ZNF507: variants seen among roughly 807,000 people sequenced by gnomAD.
The protein encoded by ZNF507 is zinc finger protein 507.
ZNF507 carries 29 observed loss-of-function variants against 80.0 expected under a neutral mutation model. That is an observed-to-expected ratio of 0.36 (90% confidence interval 0.27 to 0.49). The LOEUF is 0.49. ZNF507 is among the 20% of genes least tolerant of loss of function. The pLI is 0.98. For synonymous variants in ZNF507, 462 were observed against 422.5 expected (o/e 1.09, Z -1.15); for missense variants, 1,081 against 1,152.2 (o/e 0.94, Z 0.90).
intron 5 of ZNF507, among the ~76,000 whole-genome samples, chr19:32,374,129 T>C (rs1235263908): frequency 6.6e-6 from 1 of 151,430 alleles, no homozygotes; most frequent in South Asian, 2.1e-4. Context: ...TAAGCCATAG[T>C]AACTGAAATT....
intron 5 of ZNF507, among the ~76,000 whole-genome samples, chr19:32,378,907 G>A (rs1441308332): frequency 6.6e-6 from 1 of 152,204 alleles, no homozygotes; most frequent in East Asian, 1.9e-4. Context: ...TGAACAGCCA[G>A]CATTTCGTGT....
intron 5 of ZNF507, among the ~76,000 whole-genome samples, chr19:32,374,471 TTTC>T (rs1450459576): frequency 7.1e-6 from 1 of 141,156 alleles, no homozygotes; most frequent in African/African-American, 2.8e-5. Flanking sequence ...ATAGCTTTTC[TTTC>T]TTTTTTTTTT....
At chr19:32,348,633 G>C (rs533359928) in intron 2 of ZNF507, among the ~76,000 whole-genome samples, 1 of 152,350 alleles carries the variant, frequency 6.6e-6, no homozygotes, top group South Asian at 2.1e-4. Flanking sequence ...GAGAGAGTTG[G>C]TGGAAAGGGT....
chr19:32,378,657 AAAAG>A (rs780856183), intron 5 of ZNF507, among the ~76,000 whole-genome samples: 25 of 151,952 alleles, frequency 1.6e-4, no homozygotes, highest in Non-Finnish European at 2.4e-4. Flanking sequence ...TTTTAAAAAA[AAAAG>A]GGAAAACAGT....
At chr19:32,351,045 C>CT (rs1461310716) in intron 2 of ZNF507, among the ~76,000 whole-genome samples, 18 of 152,198 alleles carry the variant, frequency 1.2e-4, no homozygotes, top group African/African-American at 4.3e-4. Flanking sequence ...TCTAAAAAGA[C>CT]TTTTGTTCCT....
chr19:32,364,215 A>T (rs1447170035), intron 5 of ZNF507, among the ~76,000 whole-genome samples: 1 of 152,250 alleles, frequency 6.6e-6, no homozygotes, highest in African/African-American at 2.4e-5. Flanking sequence ...ACAGGGAAAG[A>T]TTAAAATGAC....
At chr19:32,367,109 G>C (rs1312441852) in intron 5 of ZNF507, among the ~76,000 whole-genome samples, 1 of 152,172 alleles carries the variant, frequency 6.6e-6, no homozygotes, top group East Asian at 1.9e-4. Flanking sequence ...GGTCTCAGGA[G>C]GCTTCCAGTC....
chr19:32,383,131 CCA>C lies in ZNF507; in HGVS notation c.*51_*52del. ...AAAGCAGTAGAAGAGGATTCCTTCA[CCA>C]CAGTTTCACCTTTACGCTGTCAGAC... On this transcript the variant is annotated 3_prime_UTR_variant, in exon 7 of 7. Coordinates refer to ENST00000355898, the MANE Select transcript of ZNF507 (RefSeq NM_001136156.2). 1 of 1,571,852 alleles carries C rather than the reference CCA, an allele frequency of 6.4e-7. No homozygotes were observed.
intron 2 of ZNF507, among the ~76,000 whole-genome samples, chr19:32,352,271 C>G (rs1967179534): frequency 6.6e-6 from 1 of 151,988 alleles, no homozygotes; most frequent in Non-Finnish European, 1.5e-5. Context: ...AACTACATGA[C>G]TATAGTTTCA....
rs373170526 is a variant in ZNF507, at chr19:32,353,176, G to A, written c.346G>A (p.Ala116Thr). 1.2e-6 allele frequency: 2 copies of A among 1,614,062 alleles called. No homozygotes were observed. Among genetic ancestry groups the A allele is most frequent in the South Asian group, 1.1e-5 (1 of 91,084 alleles). The change falls in exon 3 of 7, where the codon GCC (alanine) becomes ACC (threonine). Residue 116 changes from alanine to threonine, a missense_variant. Coordinates refer to ENST00000355898, the MANE Select transcript of ZNF507 (RefSeq NM_001136156.2). ...AACAAATTTTACCCCTGACACTCTTGCCCAGAATGAAGGGAAGGCTATGTC... is the reference window on the plus strand; with the variant it reads ...AACAAATTTTACCCCTGACACTCTTACCCAGAATGAAGGGAAGGCTATGTC... Reference protein sequence around the residue: ...SQTNFTPDTLAQNEGKAMSYQ... With the variant: ...SQTNFTPDTLTQNEGKAMSYQ...
chr19:32,380,310 T>G (rs2145344718), intron 5 of ZNF507, among the ~76,000 whole-genome samples: 1 of 152,068 alleles, frequency 6.6e-6, no homozygotes, highest in South Asian at 2.1e-4. Flanking sequence ...GAGCCATGAT[T>G]CCACCACTGC....
intron 5 of ZNF507, among the ~76,000 whole-genome samples, chr19:32,373,331 T>C (rs992350521): frequency 6.6e-6 from 1 of 152,180 alleles, no homozygotes; most frequent in African/African-American, 2.4e-5. Flanking sequence ...GAGGTTAAGT[T>C]TCCACATAGG....
Position 32,351,533 on chromosome 19 carries a change from C to CGGGGGG in ZNF507, c.-2-1293_-2-1292insGGGGGG, listed in dbSNP as rs368340292. The stretch of plus-strand genomic sequence containing the variant: ...TATGTGTGTGTGTGTGGCGTGGGGG[C>CGGGGGG]GGGCGGGGCCTGGCAGGACATTAGG... On this transcript the variant is annotated intron_variant, in intron 2 of 6. Transcript: ENST00000355898. Among the ~76,000 whole-genome samples the CGGGGGG allele has an allele frequency of 1.6e-3, 28 of 16,978 alleles. 7 individuals carry two copies. Among genetic ancestry groups the CGGGGGG allele is most frequent in the African/African-American group, 7.1e-3 (24 of 3,366 alleles). 11.1% of individuals were successfully genotyped at this position (16,978 alleles called of 152,430 possible). A position where few individuals can be genotyped will look rare whatever the true frequency, so the allele number is the denominator to read the frequency against.
chr19:32,374,190 T>A (rs117731522), intron 5 of ZNF507, among the ~76,000 whole-genome samples: 716 of 41,658 alleles, frequency 0.017, 5 homozygotes, highest in African/African-American at 0.024. Flanking sequence ...ACACACACAC[T>A]CTCTCTCTCT....
intron 5 of ZNF507, among the ~76,000 whole-genome samples, chr19:32,370,541 T>C (rs1291493121): frequency 6.6e-6 from 1 of 152,246 alleles, no homozygotes; most frequent in Non-Finnish European, 1.5e-5. Context: ...TTTGGAGAAA[T>C]ATCTGTTCAG....
rs182519220 is a variant in ZNF507 at position 32,352,375 on chromosome 19, G to A, written c.-2-454G>A. Among the ~76,000 whole-genome samples the A allele has an allele frequency of 1.9e-4, 29 of 152,214 alleles. 1 individual carries two copies. Among genetic ancestry groups the A allele is most frequent in the African/African-American group, 6.5e-4 (27 of 41,534 alleles). The stretch of plus-strand genomic sequence containing the variant: ...GGTATAAGAAATACTCTCAAGAATT[G>A]TATCAGTCATTGGCTTTACAGAGTG... On this transcript the variant is annotated intron_variant, in intron 2 of 6. Coordinates refer to ENST00000355898, the MANE Select transcript of ZNF507 (RefSeq NM_001136156.2).
Position 32,380,274 on chromosome 19 carries a change from T to G in ZNF507, c.2361-2193T>G, listed in dbSNP as rs540869520. ...GGGAGTATGAGGTAGGAGGATCACTTGAGTCCAGGAGGCCAAGGCTGCAGT... is the reference window on the plus strand; with the variant it reads ...GGGAGTATGAGGTAGGAGGATCACTGGAGTCCAGGAGGCCAAGGCTGCAGT... On this transcript the variant is annotated intron_variant, in intron 5 of 6. Transcript: ENST00000355898. 3.3e-5 allele frequency among the ~76,000 whole-genome samples: 5 copies of G among 152,202 alleles called. No homozygotes were observed. In the East Asian group the frequency reaches 7.7e-4, roughly 24 times the overall value.
At chr19:32,380,914 G>A (rs1171668064) in intron 5 of ZNF507, among the ~76,000 whole-genome samples, 1 of 152,152 alleles carries the variant, frequency 6.6e-6, no homozygotes, top group Non-Finnish European at 1.5e-5. Context: ...GGGCAACAGA[G>A]TAAGGCCCAG....
At chr19:32,357,309 C>T (rs1414370214) in intron 4 of ZNF507, 2 of 152,224 alleles carry the variant, frequency 1.3e-5, no homozygotes, top group Non-Finnish European at 2.9e-5. Context: ...AATTAGAGCT[C>T]CATGAAAAGG....
Sources: allele counts gnomAD v4.1 joint callset (sites outside exome capture counted in the v4.1 genomes callset), GRCh38; gene constraint gnomAD v4.1.1; transcripts MANE v1.5; gene names NCBI Gene and HGNC (gene_info 2026-07-23, HGNC 2026-07-21).